Variants in GP1BA observed in about 807,000 individuals in gnomAD.
GP1BA encodes platelet glycoprotein Ib alpha chain.
GP1BA carries 3 observed loss-of-function variants against 5.6 expected under a neutral mutation model. That is an observed-to-expected ratio of 0.53 (90% CI 0.24 to 1.38). The LOEUF (loss-of-function observed/expected upper bound fraction) is 1.38. Ranked by LOEUF, GP1BA falls within the 40% of genes most tolerant of loss-of-function variation. The pLI is 0.16. For synonymous variants in GP1BA, 323 were observed against 358.3 expected, an observed-to-expected ratio of 0.90 and a Z score of 1.11; for missense variants, 707 against 801.4, an observed-to-expected ratio of 0.88 and a Z score of 1.42.
rs533054754 is a variant in GP1BA at position 4,933,697 on chromosome 17, C to G, written c.1093C>G (p.Leu365Val). 1 of 1,613,994 alleles carries G rather than the reference C, an allele frequency of 6.2e-7. No homozygotes were observed. Among genetic ancestry groups the G allele is most frequent in the Non-Finnish European group, 8.5e-7 (1 of 1,179,894 alleles). ...FPPRWTPNFT[L>V]HMESITFSKT... is the part of the protein sequence containing the mutation. Reference sequence around the variant, plus strand: ...ACCTAGATGGACCCCAAATTTCACACTTCACATGGAATCCATCACATTCTC... The same window carrying G: ...ACCTAGATGGACCCCAAATTTCACAGTTCACATGGAATCCATCACATTCTC... The change falls in exon 2 of 2, where the codon CTT becomes GTT. Residue 365 changes from leucine (L) to valine (V), a missense_variant. Coordinates refer to ENST00000329125, the MANE Select transcript of GP1BA (RefSeq NM_000173.7).
Position 4,933,150 on chromosome 17 carries a change from G to A in GP1BA, c.546G>A (p.Gly182=). The change falls in exon 2 of 2, where the codon GGG becomes GGA. Residue 182 remains glycine, a synonymous_variant. Coordinates refer to ENST00000329125, the MANE Select transcript of GP1BA (RefSeq NM_000173.7). ...ANNNLTELPA[G]LLNGLENLDT... ...ACAACTTGACTGAGCTCCCCGCTGG[G>A]CTCCTGAATGGGCTGGAGAATCTCG... 6.2e-7 allele frequency: 1 copy of A among 1,613,928 alleles called. No homozygotes were observed. The highest frequency in any genetic ancestry group is 8.5e-7 in the Non-Finnish European group (1 of 1,179,798).
Position 4,934,750 on chromosome 17 carries a change from T to C in GP1BA, c.*187T>C. 1 of 653,186 alleles carries C rather than the reference T, an allele frequency of 1.5e-6. No individual in the cohort carries two copies. The highest frequency in any genetic ancestry group is 2.7e-6 in the Non-Finnish European group (1 of 369,144). The allele number at this position is 653,186 out of a possible 1,614,324, so 40.5% of individuals were successfully genotyped here. ...GTCCCAGCCAAAGCAGAAGGGGTAA[T>C]GACATGGACTTGGCGGGGGGACAAG... On this transcript the variant is annotated 3_prime_UTR_variant, in exon 2 of 2. Transcript: ENST00000329125.
rs1970396839 is a variant in GP1BA at position 4,934,665 on chromosome 17, G to A, written c.*102G>A. 4 of 1,172,690 alleles carry A rather than the reference G, an allele frequency of 3.4e-6. No individual in the cohort carries two copies. The South Asian group carries it at 5.4e-5, about 16-fold the overall frequency. 72.6% of individuals were successfully genotyped at this position (1,172,690 alleles called of 1,614,324 possible). A position where few individuals can be genotyped will look rare whatever the true frequency, so the allele number is the denominator to read the frequency against. The stretch of plus-strand genomic sequence containing the variant: ...AAGGAACACAGGGTGATAGGGAGGG[G>A]TCTTAGTTCCTTTTTCTGTATCAGA... On this transcript the variant is annotated 3_prime_UTR_variant, in exon 2 of 2. Coordinates refer to ENST00000329125, the MANE Select transcript of GP1BA (RefSeq NM_000173.7).
rs1414145253 is a variant in GP1BA at position 4,934,188 on chromosome 17, CCTCCCCCTGGG to C, written c.1587_1597del (p.Pro530LeufsTer83). The C allele has an allele frequency of 1.2e-6, 2 of 1,613,862 alleles. No individual in the cohort carries two copies. Among genetic ancestry groups the C allele is most frequent in the Non-Finnish European group, 1.7e-6 (2 of 1,179,828 alleles). ...TTCTCCACCCCGACTTTTGCTGCCTCCTCCCCCTGGGCTTCTATGTCTTGGGTCTCTTCTGG... is the reference window on the plus strand; with the variant it reads ...TTCTCCACCCCGACTTTTGCTGCCTCCTTCTATGTCTTGGGTCTCTTCTGG... On this transcript the variant is annotated frameshift_variant, in exon 2 of 2. Coordinates refer to ENST00000329125, the MANE Select transcript of GP1BA (RefSeq NM_000173.7). LOFTEE classifies it low-confidence loss of function (END_TRUNC).
chr17:4,933,723 C>T lies in GP1BA; in HGVS notation c.1119C>T (p.Ser373=). Residue 373 remains serine, a synonymous_variant, in exon 2 of 2, where the codon TCC becomes TCT. Coordinates refer to ENST00000329125, the MANE Select transcript of GP1BA (RefSeq NM_000173.7). ...TTCACATGGAATCCATCACATTCTC[C>T]AAAACTCCAAAATCCACTACTGAAC... ...FTLHMESITF[S]KTPKSTTEPT... is the part of the protein sequence containing the mutation. 2 of 1,613,932 alleles carry T rather than the reference C, an allele frequency of 1.2e-6. No individual in the cohort carries two copies. Among genetic ancestry groups the T allele is most frequent in the Non-Finnish European group, 1.7e-6 (2 of 1,179,880 alleles).
Position 4,933,731 on chromosome 17 carries a change from C to T in GP1BA, c.1127C>T (p.Pro376Leu), listed in dbSNP as rs771693398. ...GAATCCATCACATTCTCCAAAACTC[C>T]AAAATCCACTACTGAACCAACCCCA... ...HMESITFSKT[P>L]KSTTEPTPSP... The change falls in exon 2 of 2, where the codon CCA becomes CTA. Residue 376 changes from proline to leucine, a missense_variant. Pro to Leu is a moderately conservative substitution (Grantham distance 98). Around this residue, in one of 3 missense-constraint regions of GP1BA, gnomAD observed 442 missense variants for 498.8 expected, o/e 0.89. Coordinates refer to ENST00000329125, the MANE Select transcript of GP1BA (RefSeq NM_000173.7). 47 of 1,613,832 alleles carry T rather than the reference C, an allele frequency of 2.9e-5. No homozygotes were observed. The highest frequency in any genetic ancestry group is 3.9e-5 in the Non-Finnish European group (46 of 1,179,888).
At position 4,934,687 on chromosome 17, in the gene GP1BA, C is replaced by A; in HGVS notation, c.*124C>A. On this transcript the variant is annotated 3_prime_UTR_variant, in exon 2 of 2. Coordinates refer to ENST00000329125, the MANE Select transcript of GP1BA (RefSeq NM_000173.7). ...GGGGTCTTAGTTCCTTTTTCTGTAT[C>A]AGAAGCCCTGTCTTCACAACACAGG... The A allele has an allele frequency of 2.1e-6, 2 of 974,350 alleles. No homozygotes were observed. The highest frequency in any genetic ancestry group is 3.1e-6 in the Non-Finnish European group (2 of 634,924). The allele number at this position is 974,350 out of a possible 1,614,324, so 60.4% of individuals were successfully genotyped here.
rs756056031 is a variant in GP1BA at position 4,932,800 on chromosome 17, AC to A, written c.199del (p.Leu67Ter). On this transcript the variant is annotated frameshift_variant, in exon 2 of 2. Transcript: ENST00000329125. LOFTEE classifies it low-confidence loss of function (END_TRUNC). The surrounding 1 kb of genome is among the most constrained non-coding windows in gnomAD (Gnocchi z 4.8). ...ENLLYTFSLATLMPYTRLTQL... is the reference protein window; with the variant it reads ...ENLLYTFSLAXLMPYTRLTQL... ...CCTCCTGTACACCTTCTCCCTGGCAACCCTGATGCCTTACACTCGCCTCACT... is the reference window on the plus strand; with the variant it reads ...CCTCCTGTACACCTTCTCCCTGGCAACCTGATGCCTTACACTCGCCTCACT... 2 of 1,613,956 alleles carry A rather than the reference AC, an allele frequency of 1.2e-6. No homozygotes were observed. The highest frequency in any genetic ancestry group is 3.3e-5 in the Admixed American group (2 of 60,020).
rs1050123003 is a variant in GP1BA, at chr17:4,932,404, A to C, written c.-7+39A>C. 1.4e-6 allele frequency: 2 copies of C among 1,395,954 alleles called. No homozygotes were observed. The highest frequency in any genetic ancestry group is 2.9e-5 in the African/African-American group (2 of 68,838). The allele number at this position is 1,395,954 out of a possible 1,614,324, so 86.5% of individuals were successfully genotyped here. Reference sequence around the variant, plus strand: ...GGTGCTGGGGCAGGAGAGGGGTCTGAGGGAGGGGAAAGAGCCAAGGACCTG... The same window carrying C: ...GGTGCTGGGGCAGGAGAGGGGTCTGCGGGAGGGGAAAGAGCCAAGGACCTG... On this transcript the variant is annotated intron_variant, in intron 1 of 1. Coordinates refer to ENST00000329125, the MANE Select transcript of GP1BA (RefSeq NM_000173.7). This position sits in a 1 kb window ranked among gnomAD's most constrained non-coding sequence, Gnocchi z 4.8.
chr17:4,933,302 G>A lies in GP1BA; in HGVS notation c.698G>A (p.Arg233His), dbSNP rs755192403. 1.1e-5 allele frequency: 18 copies of A among 1,613,754 alleles called. No individual in the cohort carries two copies. The highest frequency in any genetic ancestry group is 9.3e-5 in the African/African-American group (7 of 74,872). ...TGCAACTGTGAGATCCTCTATTTTC[G>A]TCGCTGGCTGCAGGACAATGCTGAA... The part of the protein sequence containing the change: ...WLCNCEILYF[R>H]RWLQDNAENV... The change falls in exon 2 of 2, where the codon CGT becomes CAT. Residue 233 changes from arginine (R) to histidine (H), a missense_variant. Coordinates refer to ENST00000329125, the MANE Select transcript of GP1BA (RefSeq NM_000173.7).
In GP1BA at chr17:4,934,361, G is replaced by C. The variant is rs765621373; in HGVS notation, c.1757G>C (p.Arg586Pro). 1 of 1,614,018 alleles carries C rather than the reference G, an allele frequency of 6.2e-7. No individual in the cohort carries two copies. The highest frequency in any genetic ancestry group is 1.1e-5 in the South Asian group (1 of 91,084). Residue 586 changes from arginine to proline, a missense_variant, in exon 2 of 2, where the codon CGG (arginine) becomes CCG (proline). Physicochemically the swap from Arg to Pro is moderately radical, Grantham distance 103. This residue lies in a region of GP1BA where 247 missense variants were observed against 246.6 expected (regional missense o/e 1.00). Transcript: ENST00000329125. ...ACACACCTGGAGCTGCAGAGGGGACGGCAAGTGACAGTGCCCCGGGCCTGG... is the reference window on the plus strand; with the variant it reads ...ACACACCTGGAGCTGCAGAGGGGACCGCAAGTGACAGTGCCCCGGGCCTGG... The part of the protein sequence containing the change: ...QTTHLELQRG[R>P]QVTVPRAWLL...
In GP1BA at chr17:4,932,610, T is replaced by C. The variant is rs1435559624; in HGVS notation, c.6T>C (p.Pro2=). The change falls in exon 2 of 2, where the codon CCT becomes CCC. Residue 2 remains proline, a synonymous_variant. Coordinates refer to ENST00000329125, the MANE Select transcript of GP1BA (RefSeq NM_000173.7). The surrounding 1 kb of genome is among the most constrained non-coding windows in gnomAD (Gnocchi z 4.8). ...TCCCTTGCCCACAGGTCCTCATGCCTCTCCTCCTCTTGCTGCTCCTGCTGC... is the reference window on the plus strand; with the variant it reads ...TCCCTTGCCCACAGGTCCTCATGCCCCTCCTCCTCTTGCTGCTCCTGCTGC... The part of the protein sequence containing the change: M[P]LLLLLLLLPS... 1 of 1,612,750 alleles carries C rather than the reference T, an allele frequency of 6.2e-7. No homozygotes were observed. Among genetic ancestry groups the C allele is most frequent in the African/African-American group, 1.3e-5 (1 of 74,778 alleles).
chr17:4,932,478 G>C lies in GP1BA; in HGVS notation c.-7+113G>C, dbSNP rs1019829629. 1.3e-5 allele frequency: 16 copies of C among 1,278,058 alleles called. No homozygotes were observed. Among genetic ancestry groups the C allele is most frequent in the Non-Finnish European group, 1.7e-5 (16 of 949,332 alleles). 79.2% of individuals were successfully genotyped at this position (1,278,058 alleles called of 1,614,324 possible). ...AGGCAAGGGTGGGAGATGGGAGTAG[G>C]GAGGACAGGAGGTGTGGATGCTGTT... On this transcript the variant is annotated intron_variant, in intron 1 of 1. Coordinates refer to ENST00000329125, the MANE Select transcript of GP1BA (RefSeq NM_000173.7). The surrounding 1 kb of genome is among the most constrained non-coding windows in gnomAD (Gnocchi z 4.8).
In GP1BA at chr17:4,933,399, C is replaced by T. The variant is rs374249026; in HGVS notation, c.795C>T (p.Asp265=). 15 of 1,613,776 alleles carry T rather than the reference C, an allele frequency of 9.3e-6. No individual in the cohort carries two copies. The highest frequency in any genetic ancestry group is 1.3e-5 in the Non-Finnish European group (15 of 1,179,826). Residue 265 remains aspartate, a synonymous_variant, in exon 2 of 2, where the codon GAC becomes GAT. Transcript: ENST00000329125. ...CTAACGTGGCCAGTGTGCAGTGTGA[C>T]AATTCAGACAAGTTTCCCGTCTACA... is the stretch of plus-strand genomic sequence containing the variant. ...MTSNVASVQC[D]NSDKFPVYKY...
rs779720112 is a variant in GP1BA, at chr17:4,933,539, T to A, written c.935T>A (p.Val312Asp). Residue 312 changes from valine (V) to aspartate (D), a missense_variant, in exon 2 of 2, where the codon GTC becomes GAC. Val to Asp is a radical substitution (Grantham distance 152). Transcript: ENST00000329125. ...GDKVRATRTVVKFPTKAHTTP... is the reference protein window; with the variant it reads ...GDKVRATRTVDKFPTKAHTTP... ...AAGGTGCGTGCCACAAGGACTGTGG[T>A]CAAGTTCCCCACCAAAGCCCATACA... 2 of 1,613,856 alleles carry A rather than the reference T, an allele frequency of 1.2e-6. No homozygotes were observed.
In GP1BA at chr17:4,932,919, G is replaced by C. The variant is rs373524550; in HGVS notation, c.315G>C (p.Leu105=). 3.7e-6 allele frequency: 6 copies of C among 1,613,814 alleles called. No homozygotes were observed. The African/African-American group carries it at 8.0e-5, about 22-fold the overall frequency. The part of the protein sequence containing the change: ...LGTLDLSHNQ[L]QSLPLLGQTL... Reference sequence around the variant, plus strand: ...CCCTGGATCTATCCCACAATCAGCTGCAAAGCCTGCCCTTGCTAGGGCAGA... The same window carrying C: ...CCCTGGATCTATCCCACAATCAGCTCCAAAGCCTGCCCTTGCTAGGGCAGA... The change falls in exon 2 of 2, where the codon CTG becomes CTC. Residue 105 remains leucine, a synonymous_variant. Transcript: ENST00000329125. The surrounding 1 kb of genome is among the most constrained non-coding windows in gnomAD (Gnocchi z 4.8).
Position 4,932,386 on chromosome 17 carries a change from G to C in GP1BA, c.-7+21G>C, listed in dbSNP as rs1597637991. On this transcript the variant is annotated intron_variant, in intron 1 of 1. Transcript: ENST00000329125. The surrounding 1 kb of genome is among the most constrained non-coding windows in gnomAD (Gnocchi z 4.8). ...TGCCTGTAAGCCGGGGTTGGTGCTGGGGCAGGAGAGGGGTCTGAGGGAGGG... is the reference window on the plus strand; with the variant it reads ...TGCCTGTAAGCCGGGGTTGGTGCTGCGGCAGGAGAGGGGTCTGAGGGAGGG... 7.1e-6 allele frequency: 10 copies of C among 1,402,550 alleles called. No homozygotes were observed. The highest frequency in any genetic ancestry group is 1.4e-5 in the African/African-American group (1 of 69,194). The allele number at this position is 1,402,550 out of a possible 1,614,324, so 86.9% of individuals were successfully genotyped here.
rs1224009377 is a variant in GP1BA, at chr17:4,934,061, C to A, written c.1457C>A (p.Ser486Ter). ...TTTTTAACTACCACAAAACCCGTAT[C>A]ACTCTTAGAATCCACCAAAAAAACC... ...STFLTTTKPVSLLESTKKTIP... is the reference protein window; with the variant it reads ...STFLTTTKPV The change falls in exon 2 of 2, where the codon TCA (serine) becomes TAA (stop). Residue 486 changes from serine to a stop codon, truncating the protein, a stop_gained. Coordinates refer to ENST00000329125, the MANE Select transcript of GP1BA (RefSeq NM_000173.7). LOFTEE classifies it low-confidence loss of function (END_TRUNC). 6.2e-7 allele frequency: 1 copy of A among 1,613,578 alleles called. No homozygotes were observed. The highest frequency in any genetic ancestry group is 1.3e-5 in the African/African-American group (1 of 74,904).
chr17:4,932,782 T>C lies in GP1BA; in HGVS notation c.178T>C (p.Tyr60His). 6.2e-7 allele frequency: 1 copy of C among 1,613,978 alleles called. No homozygotes were observed. The highest frequency in any genetic ancestry group is 8.5e-7 in the Non-Finnish European group (1 of 1,179,854). Residue 60 changes from tyrosine to histidine, a missense_variant, in exon 2 of 2, where the codon TAC becomes CAC. Transcript: ENST00000329125. The surrounding 1 kb of genome is among the most constrained non-coding windows in gnomAD (Gnocchi z 4.8). ...CCTCCACCTGAGTGAGAACCTCCTG[T>C]ACACCTTCTCCCTGGCAACCCTGAT... Reference protein sequence around the residue: ...TILHLSENLLYTFSLATLMPY... With the variant: ...TILHLSENLLHTFSLATLMPY...
Sources: gnomAD v4.1 joint callset for allele counts on GRCh38, gnomAD v4.1.1 for gene constraint, gnomAD v4.1.1 regional missense constraint, Gnocchi (gnomAD v3.1) non-coding constraint, MANE v1.5 for transcripts, NCBI Gene and HGNC (gene_info 2026-07-23, HGNC 2026-07-21) for gene names.